The following PTPRD variants were observed in gnomAD, a reference collection of about 807,000 sequenced individuals.
The protein encoded by PTPRD is receptor-type tyrosine-protein phosphatase delta.
A neutral mutation model predicts 214.5 loss-of-function variants in PTPRD; 34 were observed. That is an observed-to-expected ratio of 0.16 (90% CI 0.12 to 0.21). PTPRD has a LOEUF of 0.21. Among genes scored for constraint, PTPRD ranks in the 10% least tolerant of loss-of-function variants. The pLI is 1.00. For synonymous variants in PTPRD, 1,128 were observed against 845.7 expected (o/e 1.33, Z -5.79); for missense variants, 2,545 against 2,398.7 (o/e 1.06, Z -1.27).
intron 14 of PTPRD, among the ~76,000 whole-genome samples, chr9:8,545,945 C>T (rs2079998744): frequency 6.6e-6 from 1 of 152,138 alleles, no homozygotes; most frequent in African/African-American, 2.4e-5. Flanking sequence ...TCACTTTGTC[C>T]ACCTCAATTT....
intron 7 of PTPRD, among the ~76,000 whole-genome samples, chr9:9,622,951 C>T (rs1017595663): frequency 6.6e-6 from 1 of 152,110 alleles, no homozygotes; most frequent in African/African-American, 2.4e-5. Flanking sequence ...GATAGGTTAC[C>T]TATGCCTCCT....
chr9:9,147,550 T>C (rs1370741812), intron 10 of PTPRD, among the ~76,000 whole-genome samples: 2 of 152,142 alleles, frequency 1.3e-5, no homozygotes, highest in African/African-American at 4.8e-5. Context: ...TGTTGTATCA[T>C]GTAAAAATTA....
At chr9:9,643,194 T>A (rs1299553704) in intron 7 of PTPRD, among the ~76,000 whole-genome samples, 1 of 152,132 alleles carries the variant, frequency 6.6e-6, no homozygotes, top group Non-Finnish European at 1.5e-5. Context: ...TAGAATGTCC[T>A]TTGCAAAATC....
intron 7 of PTPRD, among the ~76,000 whole-genome samples, chr9:9,635,937 G>T (rs1426920552): frequency 6.6e-6 from 1 of 151,962 alleles, no homozygotes; most frequent in Non-Finnish European, 1.5e-5. Flanking sequence ...ATTCACAGCA[G>T]AAAAAAATGA....
At chr9:9,581,805 A>T (rs1225667189) in intron 7 of PTPRD, among the ~76,000 whole-genome samples, 1 of 152,142 alleles carries the variant, frequency 6.6e-6, no homozygotes, top group Admixed American at 6.6e-5. Flanking sequence ...AATGTATGTA[A>T]ATCTATTGAA....
rs937362181 is a variant in PTPRD, at chr9:8,709,458, T to A, written c.64+24322A>T. On this transcript the variant is annotated intron_variant, in intron 12 of 45. Coordinates refer to ENST00000381196, the MANE Select transcript of PTPRD (RefSeq NM_002839.4). ...TGAACCCAGGAGGCAGAGCTTGCAG[T>A]GAGCCAAGATCACATCACTGCACTC... Among the ~76,000 whole-genome samples, 5 of 139,874 alleles carry A rather than the reference T, an allele frequency of 3.6e-5. No homozygotes were observed. The Admixed American group carries it at 4.0e-4, about 11-fold the overall frequency. The allele number at this position is 139,874 out of a possible 152,430, so 91.8% of individuals were successfully genotyped here. A position where few individuals can be genotyped will look rare whatever the true frequency, so the allele number is the denominator to read the frequency against.
At chr9:9,139,104 C>T (rs142670304) in intron 10 of PTPRD, among the ~76,000 whole-genome samples, 1 of 151,702 alleles carries the variant, frequency 6.6e-6, no homozygotes, top group Non-Finnish European at 1.5e-5. Flanking sequence ...CCCCCTCCCC[C>T]CCGCCCCCAC....
intron 9 of PTPRD, among the ~76,000 whole-genome samples, chr9:9,371,868 G>A (rs1258215561): frequency 6.6e-6 from 1 of 152,036 alleles, no homozygotes; most frequent in African/African-American, 2.4e-5. Flanking sequence ...ATTTCGTTAT[G>A]TACCCAGTAG....
At chr9:9,672,149 T>A (rs1170986364) in intron 7 of PTPRD, among the ~76,000 whole-genome samples, 4 of 152,168 alleles carry the variant, frequency 2.6e-5, no homozygotes, top group Non-Finnish European at 5.9e-5. Flanking sequence ...GCAAGAAGAA[T>A]ATTATTTTTT....
chr9:9,932,134 G>A (rs373955212), intron 5 of PTPRD, among the ~76,000 whole-genome samples: 1 of 148,372 alleles, frequency 6.7e-6, no homozygotes, highest in Non-Finnish European at 1.5e-5. Flanking sequence ...GGAAAAAACA[G>A]AACAGAAAAA....
chr9:10,177,574 G>C (rs1479405882), intron 3 of PTPRD, among the ~76,000 whole-genome samples: 3 of 151,818 alleles, frequency 2.0e-5, no homozygotes, highest in African/African-American at 7.3e-5. Context: ...AGATGAATTA[G>C]GAGGCTTTCT....
intron 11 of PTPRD, among the ~76,000 whole-genome samples, chr9:8,795,324 C>G (rs2096379601): frequency 6.6e-6 from 1 of 152,078 alleles, no homozygotes; most frequent in South Asian, 2.1e-4. Flanking sequence ...CTACTACTCC[C>G]AGATAATTTT....
At chr9:9,040,381 G>C (rs2154382982) in intron 10 of PTPRD, among the ~76,000 whole-genome samples, 1 of 152,276 alleles carries the variant, frequency 6.6e-6, no homozygotes, top group Non-Finnish European at 1.5e-5. Context: ...CCACCAAGGT[G>C]TACTGTTGTT....
intron 3 of PTPRD, among the ~76,000 whole-genome samples, chr9:10,257,064 C>T (rs1231753044): frequency 1.3e-5 from 2 of 150,458 alleles, no homozygotes; most frequent in East Asian, 1.9e-4. Flanking sequence ...ACTGAAGGCT[C>T]CCTAAGTACA....
chr9:9,951,656 C>G (rs2093465178), intron 4 of PTPRD, among the ~76,000 whole-genome samples: 1 of 152,250 alleles, frequency 6.6e-6, no homozygotes, highest in Non-Finnish European at 1.5e-5. Flanking sequence ...TTCTCCTCAA[C>G]ATTCCTTCCT....
intron 3 of PTPRD, among the ~76,000 whole-genome samples, chr9:10,268,069 G>C (rs1263365884): frequency 6.6e-6 from 1 of 150,756 alleles, no homozygotes; most frequent in African/African-American, 2.4e-5. Flanking sequence ...TTGGAGGCTA[G>C]GAGTTCAAGA....
intron 5 of PTPRD, among the ~76,000 whole-genome samples, chr9:9,887,815 C>A (rs16930509): frequency 1.3e-5 from 2 of 151,834 alleles, no homozygotes; most frequent in African/African-American, 4.8e-5. Context: ...AATACTCTTT[C>A]GTACACTGAT....
chr9:9,743,191 C>A (rs1245131223), intron 6 of PTPRD, among the ~76,000 whole-genome samples: 1 of 152,038 alleles, frequency 6.6e-6, no homozygotes, highest in Non-Finnish European at 1.5e-5. Context: ...AAAATGCATT[C>A]ATAAATAAAA....
At chr9:8,961,420 C>T (rs2099158155) in intron 11 of PTPRD, among the ~76,000 whole-genome samples, 1 of 152,086 alleles carries the variant, frequency 6.6e-6, no homozygotes, top group Non-Finnish European at 1.5e-5. Context: ...GACCTTGATC[C>T]TGGAATACTC....
Sources: gnomAD v4.1 joint callset for allele counts (sites outside exome capture counted in the v4.1 genomes callset) on GRCh38, gnomAD v4.1.1 for gene constraint, MANE v1.5 for transcripts, NCBI Gene and HGNC (gene_info 2026-07-23, HGNC 2026-07-21) for gene names.